Variants in TMEM178B observed in about 807,000 individuals in gnomAD.
TMEM178B encodes the protein transmembrane protein 178B.
Under a neutral mutation model 31.0 loss-of-function variants are expected in TMEM178B, and 5 were observed. The observed-to-expected ratio is 0.16, with a 90% CI of 0.08 to 0.34. TMEM178B has a LOEUF of 0.34. Among genes scored for constraint, TMEM178B ranks in the 10% least tolerant of loss-of-function variants. TMEM178B has a pLI of 1.00. For synonymous variants in TMEM178B, 164 were observed against 164.0 expected, an observed-to-expected ratio of 1.00 and a Z score of 0.00; for missense variants, 275 against 400.3, an observed-to-expected ratio of 0.69 and a Z score of 2.67.
chr7:141,502,757 C>T, the TMEM178B span, among the ~76,000 whole-genome samples: 33 of 135,324 alleles, frequency 2.4e-4, no homozygotes, highest in African/African-American at 5.1e-4. Flanking sequence ...GCAACAAGAG[C>T]GAAACTCAGT....
intron 2 of TMEM178B, among the ~76,000 whole-genome samples, chr7:141,403,610 G>T (rs182938928): frequency 6.6e-6 from 1 of 152,180 alleles, no homozygotes; most frequent in Non-Finnish European, 1.5e-5. Flanking sequence ...GTCTCATTGC[G>T]AAATGGGAAT....
intron 2 of TMEM178B, among the ~76,000 whole-genome samples, chr7:141,243,221 C>T (rs370857128): frequency 1.6e-4 from 25 of 152,018 alleles, no homozygotes; most frequent in African/African-American, 6.0e-4. Context: ...GGAGTCCATG[C>T]GAGGTCAGCC....
At chr7:141,352,622 C>T (rs1189689367) in intron 2 of TMEM178B, 4 of 152,358 alleles carry the variant, frequency 2.6e-5, no homozygotes, top group Admixed American at 6.5e-5. Context: ...CCTCATGATC[C>T]ACCCGCCTCG....
At chr7:141,115,541 G>A (rs1383639766) in intron 1 of TMEM178B, among the ~76,000 whole-genome samples, 1 of 152,240 alleles carries the variant, frequency 6.6e-6, no homozygotes, top group Admixed American at 6.5e-5. Flanking sequence ...TTGATGAAAA[G>A]TAGGAATTGA....
intron 2 of TMEM178B, among the ~76,000 whole-genome samples, chr7:141,411,640 G>A (rs1345170421): frequency 6.6e-6 from 1 of 152,172 alleles, no homozygotes; most frequent in Non-Finnish European, 1.5e-5. Flanking sequence ...TGTTTGTTTG[G>A]CGCATTCAAT....
chr7:141,473,707 G>A lies in TMEM178B; in HGVS notation c.*2921G>A, dbSNP rs1323232624. On this transcript the variant is annotated 3_prime_UTR_variant, in exon 4 of 4. Coordinates refer to ENST00000565468, the MANE Select transcript of TMEM178B (RefSeq NM_001195278.2). ...GGGGCTTTGAGTGACTTCTTTGATAGCAGGACCAGATAAATACGAACACAC... is the reference window on the plus strand; with the variant it reads ...GGGGCTTTGAGTGACTTCTTTGATAACAGGACCAGATAAATACGAACACAC... 1 of 152,198 alleles carries A rather than the reference G, an allele frequency of 6.6e-6. No homozygotes were observed. Among genetic ancestry groups the A allele is most frequent in the Admixed American group, 6.5e-5 (1 of 15,274 alleles). The allele number at this position is 152,198 out of a possible 1,614,324, so 9.4% of individuals were successfully genotyped here.
intron 1 of TMEM178B, among the ~76,000 whole-genome samples, chr7:141,089,084 AG>A (rs1794835643): frequency 6.6e-6 from 1 of 152,258 alleles, no homozygotes; most frequent in East Asian, 1.9e-4. Context: ...AGTAGGAAAT[AG>A]TTCCAAAATG....
intron 2 of TMEM178B, among the ~76,000 whole-genome samples, chr7:141,302,223 G>A (rs947112340): frequency 3.3e-5 from 5 of 152,198 alleles, no homozygotes; most frequent in Non-Finnish European, 7.3e-5. Context: ...AAACAATGTG[G>A]TGTATCCATA....
intron 2 of TMEM178B, among the ~76,000 whole-genome samples, chr7:141,223,708 C>G (rs902409365): frequency 1.3e-5 from 2 of 151,964 alleles, no homozygotes; most frequent in African/African-American, 4.8e-5. Flanking sequence ...ATCTGAGGAG[C>G]CTTCTGGGGA....
Position 141,470,909 on chromosome 7 carries a change from C to T in TMEM178B, c.*123C>T, listed in dbSNP as rs1035008144. The T allele has an allele frequency of 1.3e-5, 7 of 530,192 alleles. No homozygotes were observed. The highest frequency in any genetic ancestry group is 8.4e-4 in the Middle Eastern group (1 of 1,194). 32.8% of individuals were successfully genotyped at this position (530,192 alleles called of 1,614,324 possible). A position where few individuals can be genotyped will look rare whatever the true frequency, so the allele number is the denominator to read the frequency against. ...AGGTAGAGTTGAGTTGGCTCAGGCA[C>T]CTGCATCTCGCCGGACTTTGTGTTG... On this transcript the variant is annotated 3_prime_UTR_variant, in exon 4 of 4. Coordinates refer to ENST00000565468, the MANE Select transcript of TMEM178B (RefSeq NM_001195278.2).
chr7:141,390,759 A>G (rs1397559598), intron 2 of TMEM178B, among the ~76,000 whole-genome samples: 2 of 152,204 alleles, frequency 1.3e-5, no homozygotes, highest in African/African-American at 4.8e-5. Context: ...AACCTTTCTA[A>G]TGTGCATATT....
chr7:141,382,848 G>A (rs1004315007), intron 2 of TMEM178B, among the ~76,000 whole-genome samples: 2 of 152,142 alleles, frequency 1.3e-5, no homozygotes, highest in African/African-American at 4.8e-5. Context: ...TTAGCAAAGG[G>A]GTGTTCCTTT....
the TMEM178B span, among the ~76,000 whole-genome samples, chr7:141,493,993 C>T: frequency 6.6e-6 from 1 of 152,286 alleles, no homozygotes; most frequent in East Asian, 1.9e-4. Context: ...CCTTGCTTCA[C>T]TTCCAGAATC....
At position 141,253,544 on chromosome 7, in the gene TMEM178B, C is replaced by CTTTTTTT. The variant is rs34199017; in HGVS notation, c.496+40857_496+40863dup. 5.8e-3 allele frequency among the ~76,000 whole-genome samples: 402 copies of CTTTTTTT among 69,870 alleles called. 2 individuals carry two copies. Among genetic ancestry groups the CTTTTTTT allele is most frequent in the Middle Eastern group, 0.014 (1 of 74 alleles). 45.8% of individuals were successfully genotyped at this position (69,870 alleles called of 152,430 possible). On this transcript the variant is annotated intron_variant, in intron 2 of 3. Transcript: ENST00000565468. ...TCATTTTAGATACACATTTTCCCTT[C>CTTTTTTT]TTTTTTTTTTTTTTTTTTTTTTTGA...
At chr7:141,335,724 G>T (rs1392569278) in intron 2 of TMEM178B, among the ~76,000 whole-genome samples, 2 of 152,178 alleles carry the variant, frequency 1.3e-5, no homozygotes, top group African/African-American at 4.8e-5. Flanking sequence ...TCATAGCAAA[G>T]ATCTGTGGTC....
chr7:141,385,375 G>A (rs956503474), intron 2 of TMEM178B, among the ~76,000 whole-genome samples: 22 of 152,154 alleles, frequency 1.4e-4, no homozygotes, highest in African/African-American at 4.3e-4. Context: ...GCATTCTCAC[G>A]GGTAGAATGT....
intron 1 of TMEM178B, among the ~76,000 whole-genome samples, chr7:141,100,570 A>C (rs1037534859): frequency 6.6e-6 from 1 of 152,214 alleles, no homozygotes; most frequent in Non-Finnish European, 1.5e-5. Flanking sequence ...TAATTAACAT[A>C]AATTTACAGA....
intron 2 of TMEM178B, among the ~76,000 whole-genome samples, chr7:141,370,737 T>C (rs1463528738): frequency 1.3e-5 from 2 of 152,352 alleles, no homozygotes; most frequent in South Asian, 2.1e-4. Context: ...CCCTTAGAGT[T>C]TGTGTAATTG....
chr7:141,352,401 C>T (rs1255995707), intron 2 of TMEM178B: 2 of 148,854 alleles, frequency 1.3e-5, no homozygotes, highest in African/African-American at 5.0e-5. Context: ...TTTTTGAGAC[C>T]GAGTCTCACT....
Sources: gnomAD v4.1 joint callset for allele counts (sites outside exome capture counted in the v4.1 genomes callset) on GRCh38, gnomAD v4.1.1 for gene constraint, MANE v1.5 for transcripts, NCBI Gene and HGNC (gene_info 2026-07-23, HGNC 2026-07-21) for gene names.